The following GABRR2 variants were observed in gnomAD, a reference collection of about 807,000 sequenced individuals.
GABRR2 encodes the protein gamma-aminobutyric acid type A receptor subunit rho2.
A neutral mutation model predicts 47.0 loss-of-function variants in GABRR2; 36 were observed. The observed-to-expected ratio is 0.77, with a 90% CI of 0.59 to 1.01. GABRR2 has a LOEUF of 1.01. Ranked by LOEUF, GABRR2 falls within the 50% of genes least tolerant of loss-of-function variation. The pLI is 0.00. For synonymous variants in GABRR2, 204 were observed against 227.5 expected (o/e 0.90, Z 0.93); for missense variants, 587 against 594.6 (o/e 0.99, Z 0.13).
chr6:89,265,889 A>T, intron 6 of GABRR2, 124 bp from the exon 7 acceptor site: 1 of 900,152 alleles, frequency 1.1e-6, no homozygotes, highest in Non-Finnish European at 1.7e-6. Flanking sequence ...ATTAATGACC[A>T]GTTGGCTTAA....
chr6:89,296,282 G>A (rs1774552137), intron 2 of GABRR2, among the ~76,000 whole-genome samples: 1 of 152,266 alleles, frequency 6.6e-6, no homozygotes, highest in Non-Finnish European at 1.5e-5. Flanking sequence ...CAAGCAGTGG[G>A]AATCCCCGTC....
rs759038477 is a variant in GABRR2, at chr6:89,264,567, C to T, written c.931G>A (p.Val311Met). The T allele has an allele frequency of 3.3e-5, 53 of 1,614,082 alleles. No individual in the cohort carries two copies. Among genetic ancestry groups the T allele is most frequent in the African/African-American group, 4.0e-5 (3 of 74,940 alleles). ...VLTMTTIITG[V>M]NASMPRVSYV... is the part of the protein sequence containing the mutation. ...GAGACGCGCGGCATGGAGGCATTCA[C>T]GCCCGTGATGATGGTGGTCATGGTC... The change falls in exon 8 of 9, where the codon GTG becomes ATG. Residue 311 changes from valine (V) to methionine (M), a missense_variant. By Grantham distance (21) the Val-to-Met change is conservative (BLOSUM62 1). Transcript: ENST00000402938.
intron 1 of GABRR2, among the ~76,000 whole-genome samples, chr6:89,306,377 C>G (rs927720888): frequency 6.6e-6 from 1 of 151,882 alleles, no homozygotes; most frequent in Non-Finnish European, 1.5e-5. Flanking sequence ...AAAAAAAATT[C>G]TCGTGATGTT....
At chr6:89,266,863 C>T (rs1004809749) in intron 6 of GABRR2, among the ~76,000 whole-genome samples, 3 of 152,160 alleles carry the variant, frequency 2.0e-5, no homozygotes, top group African/African-American at 7.2e-5. Context: ...CTCTATTGCC[C>T]AGGCTGGAGT....
At chr6:89,270,697 T>C (rs1774031107) in intron 3 of GABRR2, among the ~76,000 whole-genome samples, 1 of 152,138 alleles carries the variant, frequency 6.6e-6, no homozygotes, top group Non-Finnish European at 1.5e-5. Flanking sequence ...TTCCCACTCT[T>C]CAAGGGCAGA....
intron 1 of GABRR2, among the ~76,000 whole-genome samples, chr6:89,310,359 C>G (rs1479230856): frequency 6.6e-6 from 1 of 151,968 alleles, no homozygotes; most frequent in Non-Finnish European, 1.5e-5. Context: ...CTGCTTCTGC[C>G]AGAAACTGTG....
At chr6:89,274,637 T>C (rs538897551) in intron 2 of GABRR2, among the ~76,000 whole-genome samples, 1 of 152,144 alleles carries the variant, frequency 6.6e-6, no homozygotes, top group East Asian at 1.9e-4. Context: ...GAAGCCAAGG[T>C]GGGTGGATCA....
intron 1 of GABRR2, among the ~76,000 whole-genome samples, chr6:89,300,706 C>A (rs1257166505): frequency 7.8e-6 from 1 of 128,264 alleles, no homozygotes; most frequent in African/African-American, 2.9e-5. Context: ...TAATGAGCTC[C>A]GAAGTTGAAG....
intron 2 of GABRR2, among the ~76,000 whole-genome samples, chr6:89,294,171 A>G (rs1408645749): frequency 3.3e-5 from 5 of 151,884 alleles, no homozygotes; most frequent in Non-Finnish European, 5.9e-5. Flanking sequence ...TTTGAGCCAG[A>G]GTCTCACTCG....
At chr6:89,289,067 T>G (rs1409148811) in intron 2 of GABRR2, among the ~76,000 whole-genome samples, 1 of 152,186 alleles carries the variant, frequency 6.6e-6, no homozygotes, top group Non-Finnish European at 1.5e-5. Flanking sequence ...AGATGCTTCA[T>G]GTAAGAGGAA....
chr6:89,281,090 A>G (rs1413508952), intron 2 of GABRR2, among the ~76,000 whole-genome samples: 2 of 152,252 alleles, frequency 1.3e-5, no homozygotes, highest in African/African-American at 4.8e-5. Flanking sequence ...AAGACCTTCC[A>G]TGTGTCAGTG....
intron 2 of GABRR2, among the ~76,000 whole-genome samples, chr6:89,272,478 C>T (rs931157825): frequency 3.9e-5 from 6 of 152,200 alleles, no homozygotes; most frequent in African/African-American, 1.2e-4. Context: ...GGTACACTTA[C>T]AATGGGTGCA....
At chr6:89,299,678 T>C (rs754771746) in intron 2 of GABRR2, 81 bp downstream of exon 2, 2 of 898,006 alleles carry the variant, frequency 2.2e-6, no homozygotes, top group African/African-American at 1.7e-5. Flanking sequence ...GGAAGCGCTG[T>C]GCCAGAGGGA....
At chr6:89,301,966 C>T (rs1018973611) in intron 1 of GABRR2, 11 of 853,140 alleles carry the variant, frequency 1.3e-5, no homozygotes, top group Admixed American at 1.9e-5. Context: ...GTATGTGCCT[C>T]GGGCCATTCG....
At chr6:89,309,971 A>G (rs546269333) in intron 1 of GABRR2, among the ~76,000 whole-genome samples, 1 of 138,282 alleles carries the variant, frequency 7.2e-6, no homozygotes, top group African/African-American at 2.8e-5. Flanking sequence ...TTTTGTAGAG[A>G]CAGGGTCTCA....
intron 1 of GABRR2, among the ~76,000 whole-genome samples, chr6:89,311,168 C>A (rs527387207): frequency 6.6e-6 from 1 of 152,190 alleles, no homozygotes; most frequent in Non-Finnish European, 1.5e-5. Context: ...CCATGAAAGA[C>A]GCCTCCGGAA....
intron 2 of GABRR2, among the ~76,000 whole-genome samples, chr6:89,285,873 T>C (rs1774326816): frequency 6.6e-6 from 1 of 152,004 alleles, no homozygotes; most frequent in African/African-American, 2.4e-5. Flanking sequence ...GGCCTCGGCC[T>C]CTTTGACCTC....
intron 6 of GABRR2, 57 bp downstream of exon 6, chr6:89,267,622 A>C (rs1373594412): frequency 6.6e-7 from 1 of 1,522,364 alleles, no homozygotes; most frequent in African/African-American, 1.4e-5. Context: ...AGGCTGAAGA[A>C]GAATTCAAAT....
At chr6:89,285,693 C>A (rs1412610233) in intron 2 of GABRR2, among the ~76,000 whole-genome samples, 1 of 152,072 alleles carries the variant, frequency 6.6e-6, no homozygotes, top group Non-Finnish European at 1.5e-5. Context: ...CCTGGATTAC[C>A]GACCTTGAAG....
Sources: gnomAD v4.1 joint callset for allele counts (sites outside exome capture counted in the v4.1 genomes callset) on GRCh38, gnomAD v4.1.1 for gene constraint, MANE v1.5 for transcripts, NCBI Gene and HGNC (gene_info 2026-07-23, HGNC 2026-07-21) for gene names.